PLCL2: variants seen among roughly 807,000 people sequenced by gnomAD.
PLCL2 encodes the protein phospholipase C like 2, also known as inactive phospholipase C-like protein 2.
PLCL2 carries 4 observed loss-of-function variants against 79.6 expected under a neutral mutation model. That is an observed-to-expected ratio of 0.05 (90% CI 0.02 to 0.11). The LOEUF (loss-of-function observed/expected upper bound fraction) is 0.11, where lower values mean the gene tolerates loss of function less well. PLCL2 is among the 10% of genes least tolerant of loss of function. PLCL2 has a pLI of 1.00. For synonymous variants in PLCL2, 484 were observed against 457.7 expected (o/e 1.06, Z -0.73); for missense variants, 895 against 1,291.0 (o/e 0.69, Z 4.70).
chr3:16,944,128 C>A (rs770141181), intron 1 of PLCL2, among the ~76,000 whole-genome samples: 1 of 152,124 alleles, frequency 6.6e-6, no homozygotes, highest in African/African-American at 2.4e-5. Context: ...CCTTATTGAG[C>A]CTCAGCTGCC....
rs76080765 is a variant in PLCL2, at chr3:17,042,824, G to A, written c.3019-50G>A. On this transcript the variant is annotated intron_variant, in intron 3 of 5. Coordinates refer to ENST00000615277, the MANE Select transcript of PLCL2 (RefSeq NM_001144382.2). ...AAGAGCCTTGTGCATGAATGCAGGA[G>A]GGGATCTAGTTGTCAGGTGTAATCT... 9.0e-4 allele frequency: 1,130 copies of A among 1,259,364 alleles called. 22 individuals carry two copies. In the East Asian group the frequency reaches 0.026, roughly 28 times the overall value. The allele number at this position is 1,259,364 out of a possible 1,614,324, so 78.0% of individuals were successfully genotyped here.
intron 1 of PLCL2, among the ~76,000 whole-genome samples, chr3:16,968,205 C>T (rs910614285): frequency 2.0e-5 from 3 of 151,956 alleles, no homozygotes; most frequent in African/African-American, 7.2e-5. Context: ...GTGTCTCTAG[C>T]TTTATATTTT....
chr3:16,926,049 T>C (rs920403278), intron 1 of PLCL2, among the ~76,000 whole-genome samples: 2 of 152,236 alleles, frequency 1.3e-5, no homozygotes, highest in Non-Finnish European at 1.5e-5. Context: ...ATAAATGAAA[T>C]GTTTCAAATG....
In PLCL2 at chr3:17,011,132, A is replaced by G; in HGVS notation, c.1786A>G (p.Met596Val). The change falls in exon 2 of 6, where the codon ATG (methionine) becomes GTG (valine). Residue 596 changes from methionine to valine, a missense_variant. Coordinates refer to ENST00000615277, the MANE Select transcript of PLCL2 (RefSeq NM_001144382.2). This position sits in a 1 kb window ranked among gnomAD's most constrained non-coding sequence, Gnocchi z 7.9. ...EDEGAEMSQRMGKENMEQPNN... is the reference protein window; with the variant it reads ...EDEGAEMSQRVGKENMEQPNN... The stretch of plus-strand genomic sequence containing the variant: ...TGAAGGAGCAGAAATGTCTCAGAGG[A>G]TGGGAAAAGAGAACATGGAGCAACC... 1 of 1,614,136 alleles carries G rather than the reference A, an allele frequency of 6.2e-7. No individual in the cohort carries two copies. The highest frequency in any genetic ancestry group is 8.5e-7 in the Non-Finnish European group (1 of 1,180,022).
At chr3:16,990,801 C>T (rs1317469889) in intron 1 of PLCL2, among the ~76,000 whole-genome samples, 4 of 152,182 alleles carry the variant, frequency 2.6e-5, no homozygotes, top group East Asian at 1.9e-4. Context: ...TTGAGTCACT[C>T]GGGGTCCAAC....
chr3:16,913,776 A>C (rs1210830212), intron 1 of PLCL2, among the ~76,000 whole-genome samples: 3 of 152,140 alleles, frequency 2.0e-5, no homozygotes, highest in Non-Finnish European at 4.4e-5. Context: ...AGATCTTCAT[A>C]ATAATTTTGA....
chr3:16,982,469 C>T (rs1291986104), intron 1 of PLCL2, among the ~76,000 whole-genome samples: 1 of 152,116 alleles, frequency 6.6e-6, no homozygotes, highest in African/African-American at 2.4e-5. Flanking sequence ...TATCAAATCC[C>T]GTTAATACAG....
At chr3:17,039,957 A>C (rs911299760) in intron 3 of PLCL2, among the ~76,000 whole-genome samples, 5 of 152,186 alleles carry the variant, frequency 3.3e-5, no homozygotes, top group Admixed American at 3.3e-4. Flanking sequence ...CCATTACACT[A>C]CAAGTGCTTC....
chr3:16,885,023 C>A lies in PLCL2; in HGVS notation c.-17C>A, dbSNP rs1696172578. 1 of 313,004 alleles carries A rather than the reference C, an allele frequency of 3.2e-6. No individual in the cohort carries two copies. The highest frequency in any genetic ancestry group is 5.8e-6 in the Non-Finnish European group (1 of 171,990). The allele number at this position is 313,004 out of a possible 1,614,324, so 19.4% of individuals were successfully genotyped here. On this transcript the variant is annotated 5_prime_UTR_variant, in exon 1 of 6. Coordinates refer to ENST00000615277, the MANE Select transcript of PLCL2 (RefSeq NM_001144382.2). ...ACGCGAGGACGCGGCTTTGTGCAGGCGGGTCGCGGGGCGCCCATGGCGGAG... is the reference window on the plus strand; with the variant it reads ...ACGCGAGGACGCGGCTTTGTGCAGGAGGGTCGCGGGGCGCCCATGGCGGAG...
chr3:17,020,622 G>A (rs114867239), intron 3 of PLCL2, among the ~76,000 whole-genome samples: 4,332 of 152,106 alleles, frequency 0.028, 228 homozygotes, highest in African/African-American at 0.1. Context: ...AGCATACTCT[G>A]AGGAATCCAT....
At chr3:17,007,722 A>T (rs531168914) in intron 1 of PLCL2, among the ~76,000 whole-genome samples, 5 of 152,382 alleles carry the variant, frequency 3.3e-5, no homozygotes, top group African/African-American at 4.8e-5. Context: ...AGAGTATAGC[A>T]TAATAGCTTT....
At chr3:16,958,323 A>G (rs560457780) in intron 1 of PLCL2, among the ~76,000 whole-genome samples, 11 of 152,246 alleles carry the variant, frequency 7.2e-5, no homozygotes, top group Non-Finnish European at 1.6e-4. Flanking sequence ...TTTTAAAACA[A>G]TGTTTGTAAA....
At chr3:16,984,208 A>G (rs1424179381) in intron 1 of PLCL2, among the ~76,000 whole-genome samples, 3 of 152,142 alleles carry the variant, frequency 2.0e-5, no homozygotes, top group Non-Finnish European at 4.4e-5. Flanking sequence ...GCCTAAACAG[A>G]GCTAATTTGG....
intron 1 of PLCL2, among the ~76,000 whole-genome samples, chr3:16,953,730 A>C (rs1259798199): frequency 6.6e-6 from 1 of 152,146 alleles, no homozygotes; most frequent in Non-Finnish European, 1.5e-5. Flanking sequence ...GGTTAAAATT[A>C]GTACCATTAG....
At chr3:16,971,698 A>T (rs1005922495) in intron 1 of PLCL2, among the ~76,000 whole-genome samples, 1 of 152,034 alleles carries the variant, frequency 6.6e-6, no homozygotes, top group Non-Finnish European at 1.5e-5. Flanking sequence ...ATGTTCTTCC[A>T]TTTGTTTGTA....
intron 1 of PLCL2, among the ~76,000 whole-genome samples, chr3:16,991,428 C>T (rs1206473766): frequency 6.6e-6 from 1 of 152,186 alleles, no homozygotes; most frequent in African/African-American, 2.4e-5. Context: ...GATCACCTCT[C>T]TGAGTGCTGT....
chr3:17,072,245 C>T (rs778555739), intron 5 of PLCL2, among the ~76,000 whole-genome samples: 29 of 152,072 alleles, frequency 1.9e-4, no homozygotes, highest in Non-Finnish European at 2.6e-4. Context: ...AGATTTATTT[C>T]CATTTCCCAA....
chr3:16,977,276 A>C (rs2124983839), intron 1 of PLCL2, among the ~76,000 whole-genome samples: 1 of 152,282 alleles, frequency 6.6e-6, no homozygotes, highest in South Asian at 2.1e-4. Context: ...ATAGTCCTGT[A>C]AGTACTTACT....
chr3:16,918,478 G>A (rs984866242), intron 1 of PLCL2, among the ~76,000 whole-genome samples: 2 of 152,104 alleles, frequency 1.3e-5, no homozygotes, highest in African/African-American at 4.8e-5. Flanking sequence ...AGGTGAGTCT[G>A]GGAACCAAAT....
Sources: allele counts gnomAD v4.1 joint callset (sites outside exome capture counted in the v4.1 genomes callset), GRCh38; gene constraint gnomAD v4.1.1; non-coding constraint Gnocchi (gnomAD v3.1); transcripts MANE v1.5; gene names NCBI Gene and HGNC (gene_info 2026-07-23, HGNC 2026-07-21).